The following AZIN2 variants were observed in gnomAD, a reference collection of about 807,000 sequenced individuals.
AZIN2 encodes the protein antizyme inhibitor 2, also known as ODC antizyme inhibitor-2.
AZIN2 carries 28 observed loss-of-function variants against 47.8 expected under a neutral mutation model. That is an observed-to-expected ratio of 0.59 (90% CI 0.43 to 0.80). AZIN2 has a LOEUF of 0.80. AZIN2 is among the 30% of genes least tolerant of loss of function. AZIN2 has a pLI of 0.00. For synonymous variants in AZIN2, 221 were observed against 239.4 expected (o/e 0.92, Z 0.71); for missense variants, 535 against 582.5 (o/e 0.92, Z 0.84).
the AZIN2 span, chr1:33,165,367 C>T: frequency 2.7e-6 from 3 of 1,108,798 alleles, no homozygotes; most frequent in South Asian, 3.1e-5. The surrounding 1 kb of genome is among the most constrained non-coding windows in gnomAD (Gnocchi z 4.0). Flanking sequence ...GCCAGGTTTC[C>T]ACCGCACACC....
chr1:33,098,004 CA>C, intron 9 of AZIN2, 62 bp from the exon 10 acceptor site: 2 of 1,236,660 alleles, frequency 1.6e-6, no homozygotes, highest in Non-Finnish European at 2.4e-6. Flanking sequence ...ACTGTTGTGT[CA>C]GCCCCACTAC....
the AZIN2 span, chr1:33,147,270 G>C: frequency 1.2e-6 from 2 of 1,614,170 alleles, no homozygotes; most frequent in African/African-American, 2.7e-5. The surrounding 1 kb of genome is among the most constrained non-coding windows in gnomAD (Gnocchi z 8.1). Flanking sequence ...GCTTGCCAGG[G>C]AACTTCTCGC....
chr1:33,140,106 G>A, the AZIN2 span, among the ~76,000 whole-genome samples: 1 of 152,098 alleles, frequency 6.6e-6, no homozygotes, highest in Admixed American at 6.5e-5. This position sits in a 1 kb window ranked among gnomAD's most constrained non-coding sequence, Gnocchi z 4.0. Context: ...GTCCCTAAGA[G>A]GAAAGAGGGG....
At chr1:33,145,878 C>T in the AZIN2 span, 1 of 471,180 alleles carries the variant, frequency 2.1e-6, no homozygotes, top group East Asian at 6.9e-5. Context: ...TGACATTTCC[C>T]AGACTCCCTT....
At chr1:33,161,003 C>T in the AZIN2 span, among the ~76,000 whole-genome samples, 4,079 of 152,262 alleles carry the variant, frequency 0.027, 171 homozygotes, top group African/African-American at 0.082. This position sits in a 1 kb window ranked among gnomAD's most constrained non-coding sequence, Gnocchi z 4.3. Flanking sequence ...TGACAGTCTG[C>T]GTAAGGACTC....
chr1:33,165,368 A>C, the AZIN2 span: 1 of 1,113,780 alleles, frequency 9.0e-7, no homozygotes, highest in Non-Finnish European at 1.3e-6. This position sits in a 1 kb window ranked among gnomAD's most constrained non-coding sequence, Gnocchi z 4.0. Context: ...CCAGGTTTCC[A>C]CCGCACACCC....
intron 10 of AZIN2, among the ~76,000 whole-genome samples, chr1:33,107,786 T>C (rs1644087230): frequency 6.6e-6 from 1 of 152,170 alleles, no homozygotes; most frequent in Non-Finnish European, 1.5e-5. Flanking sequence ...AAGAGATGTG[T>C]ACGCTGAAAA....
intron 5 of AZIN2, among the ~76,000 whole-genome samples, 180 bp from the exon 6 acceptor site, chr1:33,091,870 A>T (rs1204763682): frequency 6.6e-6 from 1 of 152,208 alleles, no homozygotes; most frequent in African/African-American, 2.4e-5. Flanking sequence ...AGCCCTGCTT[A>T]TCAAAGAATG....
chr1:33,121,218 G>A lies in AZIN2; in HGVS notation c.*1036G>A, dbSNP rs1447144918. ...AGGGGACTCTAAATATTTTTCTGCT[G>A]CAATTAAAAGATTTGAGATGTAATT... On this transcript the variant is annotated 3_prime_UTR_variant, in exon 12 of 12. Coordinates refer to ENST00000294517, the MANE Select transcript of AZIN2 (RefSeq NM_052998.4). Among the ~76,000 whole-genome samples the A allele has an allele frequency of 6.6e-6, 1 of 152,146 alleles. No homozygotes were observed. Among genetic ancestry groups the A allele is most frequent in the Non-Finnish European group, 1.5e-5 (1 of 68,020 alleles).
the AZIN2 span, among the ~76,000 whole-genome samples, chr1:33,141,306 C>T: frequency 4.6e-4 from 70 of 152,260 alleles, 1 homozygote; most frequent in South Asian, 0.014. Context: ...CCAGCCTGGC[C>T]TGTGTTCCTT....
chr1:33,164,687 G>A, the AZIN2 span: 2 of 152,268 alleles, frequency 1.3e-5, no homozygotes, highest in Non-Finnish European at 2.9e-5. Flanking sequence ...TGAGCTTAAG[G>A]GGAGATGATA....
chr1:33,154,953 C>G, the AZIN2 span, among the ~76,000 whole-genome samples: 6 of 149,648 alleles, frequency 4.0e-5, no homozygotes, highest in Admixed American at 1.3e-4. Context: ...ATTAGCCAGG[C>G]GTCTTGGCAG....
At chr1:33,133,947 C>G in the AZIN2 span, among the ~76,000 whole-genome samples, 3 of 152,230 alleles carry the variant, frequency 2.0e-5, no homozygotes, top group Non-Finnish European at 4.4e-5. Context: ...CATGCCTTAT[C>G]TTACTCAACC....
At chr1:33,136,576 G>T in the AZIN2 span, among the ~76,000 whole-genome samples, 4 of 151,392 alleles carry the variant, frequency 2.6e-5, no homozygotes, top group African/African-American at 9.7e-5. Context: ...CGCCATGTTG[G>T]GCAGGCTGGT....
intron 10 of AZIN2, among the ~76,000 whole-genome samples, chr1:33,108,521 T>G (rs955424978): frequency 6.6e-6 from 1 of 152,062 alleles, no homozygotes; most frequent in Non-Finnish European, 1.5e-5. Context: ...TTTTGTATTT[T>G]TAGTAGAGAT....
chr1:33,124,339 T>C (rs1644841314), downstream of AZIN2, among the ~76,000 whole-genome samples: 1 of 152,092 alleles, frequency 6.6e-6, no homozygotes, highest in African/African-American at 2.4e-5. The surrounding 1 kb of genome is among the most constrained non-coding windows in gnomAD (Gnocchi z 4.6). Context: ...GAGCCCGCTA[T>C]GCTTCTGGAG....
chr1:33,114,062 T>G (rs1644404971), intron 10 of AZIN2, among the ~76,000 whole-genome samples: 3 of 152,154 alleles, frequency 2.0e-5, no homozygotes, highest in Admixed American at 2.0e-4. Context: ...CATAGGGTTT[T>G]TTTTTCTTTT....
At chr1:33,125,800 A>G (rs920990553), downstream of AZIN2, among the ~76,000 whole-genome samples, 8 of 152,030 alleles carry the variant, frequency 5.3e-5, no homozygotes, top group African/African-American at 1.9e-4. Flanking sequence ...AAATCTCTGC[A>G]TAGATCTCTC....
At chr1:33,159,292 T>A in the AZIN2 span, among the ~76,000 whole-genome samples, 1 of 152,138 alleles carries the variant, frequency 6.6e-6, no homozygotes, top group Non-Finnish European at 1.5e-5. The surrounding 1 kb of genome is among the most constrained non-coding windows in gnomAD (Gnocchi z 4.2). Flanking sequence ...AATATATTTA[T>A]ATTATGATTG....
Sources: allele counts gnomAD v4.1 joint callset (sites outside exome capture counted in the v4.1 genomes callset), GRCh38; gene constraint gnomAD v4.1.1; non-coding constraint Gnocchi (gnomAD v3.1); transcripts MANE v1.5; gene names NCBI Gene and HGNC (gene_info 2026-07-23, HGNC 2026-07-21).